Variants in ZBTB20 observed in about 807,000 individuals in gnomAD.
ZBTB20 encodes the protein zinc finger and BTB domain-containing protein 20.
ZBTB20 carries 9 observed loss-of-function variants against 56.9 expected under a neutral mutation model. The ratio of observed to expected loss-of-function variants is 0.16; its 90% CI spans 0.10 to 0.28. ZBTB20 has a LOEUF of 0.28. Ranked by LOEUF, ZBTB20 falls within the 10% of genes least tolerant of loss-of-function variation. The probability of loss-of-function intolerance (pLI) is 1.00; values close to 1 mark genes in which losing one functional copy is unlikely to be tolerated. For missense variants in ZBTB20, 655 were observed against 1,003.0 expected (o/e 0.65, Z 4.69); for synonymous variants, 417 against 420.7 (o/e 0.99, Z 0.11).
rs189806821 is a variant in ZBTB20 at position 114,508,846 on chromosome 3, A to G, written c.-294-8455T>C. Among the ~76,000 whole-genome samples the G allele has an allele frequency of 4.9e-4, 75 of 152,268 alleles. 1 individual carries two copies. Among genetic ancestry groups the G allele is most frequent in the Admixed American group, 2.6e-3 (39 of 15,284 alleles). On this transcript the variant is annotated intron_variant, in intron 6 of 11. Transcript: ENST00000675478. ...TAGGATATTGTTCTAGTCTTCACTA[A>G]TGACTTCTTGAGGTTGGTTATTACT...
intron 4 of ZBTB20, chr3:114,876,558 A>G (rs1467723279): frequency 1.3e-5 from 2 of 152,178 alleles, no homozygotes; most frequent in Non-Finnish European, 2.9e-5. Context: ...GCTGAATGTG[A>G]CTAAAATTTT....
At chr3:115,061,771 C>A (rs761070816) in intron 2 of ZBTB20, among the ~76,000 whole-genome samples, 2 of 152,080 alleles carry the variant, frequency 1.3e-5, no homozygotes, top group African/African-American at 2.4e-5. Context: ...ACAGCTGAAA[C>A]TATTTAATAT....
At chr3:115,111,099 G>A (rs2083868832) in intron 1 of ZBTB20, among the ~76,000 whole-genome samples, 1 of 151,840 alleles carries the variant, frequency 6.6e-6, no homozygotes. Context: ...TGAATGGATT[G>A]AATTTACTTA....
At chr3:114,360,344 C>CT (rs11295159) in intron 10 of ZBTB20, among the ~76,000 whole-genome samples, 9 of 111,768 alleles carry the variant, frequency 8.1e-5, no homozygotes, top group African/African-American at 1.9e-4. Context: ...GCAAGATTTT[C>CT]TTTTTTTTTT....
At chr3:114,420,631 C>T (rs1280265420) in intron 7 of ZBTB20, among the ~76,000 whole-genome samples, 1 of 152,064 alleles carries the variant, frequency 6.6e-6, no homozygotes, top group Non-Finnish European at 1.5e-5. Flanking sequence ...AGTCCCTGTG[C>T]ATTTCAGCCT....
chr3:114,432,990 G>T (rs1174880928), intron 7 of ZBTB20, among the ~76,000 whole-genome samples: 2 of 152,146 alleles, frequency 1.3e-5, no homozygotes, highest in Admixed American at 6.5e-5. Flanking sequence ...TTGAAACAGG[G>T]TGTACAAAAC....
At chr3:114,501,041 T>C (rs906586425) in intron 6 of ZBTB20, among the ~76,000 whole-genome samples, 1 of 152,178 alleles carries the variant, frequency 6.6e-6, no homozygotes, top group Non-Finnish European at 1.5e-5. Flanking sequence ...TGTCCAGAAG[T>C]TCCTCTGAAC....
At chr3:114,728,428 C>A (rs191973072) in intron 5 of ZBTB20, among the ~76,000 whole-genome samples, 1 of 152,234 alleles carries the variant, frequency 6.6e-6, no homozygotes, top group East Asian at 1.9e-4. Flanking sequence ...ACTGTGCAGA[C>A]CTGGAAAGAA....
At chr3:114,780,874 C>CATAAATAAGCA (rs1376631515) in intron 5 of ZBTB20, among the ~76,000 whole-genome samples, 1 of 152,118 alleles carries the variant, frequency 6.6e-6, no homozygotes, top group Admixed American at 6.5e-5. Context: ...TATGACTTAC[C>CATAAATAAGCA]ATAAATAAGC....
At chr3:115,016,880 C>CTCAAAATAGTAAGAGCCATAT (rs2079985506) in intron 2 of ZBTB20, among the ~76,000 whole-genome samples, 1 of 151,476 alleles carries the variant, frequency 6.6e-6, no homozygotes, top group African/African-American at 2.4e-5. Flanking sequence ...AAAGAACATA[C>CTCAAAATAGTAAGAGCCATAT]CTCAAAATAG....
chr3:114,836,068 G>A (rs2074106349), intron 4 of ZBTB20, among the ~76,000 whole-genome samples: 1 of 152,204 alleles, frequency 6.6e-6, no homozygotes, highest in South Asian at 2.1e-4. Context: ...TTTAAGGTGA[G>A]TGAGGTGGCA....
At chr3:114,380,155 C>G in intron 10 of ZBTB20, 62 bp downstream of exon 10, 1 of 1,416,904 alleles carries the variant, frequency 7.1e-7, no homozygotes, top group Non-Finnish European at 9.2e-7. Flanking sequence ...AAAGCCAGAA[C>G]CCAGGGTAGA....
intron 2 of ZBTB20, among the ~76,000 whole-genome samples, chr3:114,986,562 A>G (rs2078552515): frequency 1.3e-5 from 2 of 152,202 alleles, no homozygotes; most frequent in East Asian, 3.9e-4. Context: ...GATACCCTGT[A>G]AGCCATTCAA....
At chr3:114,391,298 C>T (rs954203866) in intron 7 of ZBTB20, among the ~76,000 whole-genome samples, 4 of 152,216 alleles carry the variant, frequency 2.6e-5, no homozygotes, top group Non-Finnish European at 5.9e-5. Flanking sequence ...GTATTCAAAG[C>T]TGCTACAATG....
chr3:114,662,425 T>C (rs543039593), intron 6 of ZBTB20, among the ~76,000 whole-genome samples: 45 of 144,072 alleles, frequency 3.1e-4, no homozygotes, highest in Non-Finnish European at 6.1e-4. Context: ...TACCCAGTAA[T>C]GGGATGGCTG....
chr3:114,635,130 T>C (rs1216697148), intron 6 of ZBTB20, among the ~76,000 whole-genome samples: 1 of 152,146 alleles, frequency 6.6e-6, no homozygotes, highest in Non-Finnish European at 1.5e-5. Context: ...TTCTGAGGGA[T>C]AGTTAGCAAA....
intron 7 of ZBTB20, among the ~76,000 whole-genome samples, chr3:114,428,495 C>T (rs2089880151): frequency 1.3e-5 from 2 of 152,116 alleles, no homozygotes; most frequent in Non-Finnish European, 2.9e-5. Context: ...AGATTTTAGT[C>T]TTTTTCTTTT....
intron 2 of ZBTB20, chr3:115,027,706 T>C (rs1334416475): frequency 6.6e-6 from 1 of 150,968 alleles, no homozygotes; most frequent in Non-Finnish European, 1.5e-5. Context: ...GTACTACAAA[T>C]ATTCAGAAAG....
chr3:114,818,137 A>G (rs1269797219), intron 4 of ZBTB20, among the ~76,000 whole-genome samples: 2 of 152,170 alleles, frequency 1.3e-5, no homozygotes, highest in Admixed American at 6.5e-5. Flanking sequence ...TCTATATTAC[A>G]TAAGTCTATG....
Sources: allele counts gnomAD v4.1 joint callset (sites outside exome capture counted in the v4.1 genomes callset), GRCh38; gene constraint gnomAD v4.1.1; transcripts MANE v1.5; gene names NCBI Gene and HGNC (gene_info 2026-07-23, HGNC 2026-07-21).